Variants in SFMBT1 observed in about 807,000 individuals in gnomAD.
SFMBT1 encodes the protein Scm like with four mbt domains 1, also known as scm-like with four MBT domains protein 1.
A neutral mutation model predicts 108.7 loss-of-function variants in SFMBT1; 32 were observed. The ratio of observed to expected loss-of-function variants is 0.29; its 90% CI spans 0.22 to 0.40. The LOEUF (loss-of-function observed/expected upper bound fraction) is 0.40. Among genes scored for constraint, SFMBT1 ranks in the 10% least tolerant of loss-of-function variants. SFMBT1 has a pLI of 1.00. For missense variants in SFMBT1, 816 were observed against 1,059.6 expected (o/e 0.77, Z 3.19); for synonymous variants, 348 against 369.5 (o/e 0.94, Z 0.67).
At chr3:53,045,303 T>G (rs1244215788) in intron 1 of SFMBT1, 1 of 142,616 alleles carries the variant, frequency 7.0e-6, no homozygotes, top group Non-Finnish European at 1.5e-5. Flanking sequence ...CGGCCCCAGC[T>G]GCGGGTTCGC....
At chr3:53,015,283 TA>T (rs559803064) in intron 1 of SFMBT1, among the ~76,000 whole-genome samples, 26 of 147,848 alleles carry the variant, frequency 1.8e-4, no homozygotes, top group East Asian at 7.9e-4. Context: ...ATGGTTATCA[TA>T]AAAAAAAAAT....
intron 17 of SFMBT1, among the ~76,000 whole-genome samples, chr3:52,910,394 T>C (rs912947670): frequency 6.6e-6 from 1 of 152,190 alleles, no homozygotes; most frequent in African/African-American, 2.4e-5. Flanking sequence ...ATGCTATATA[T>C]AAAAGTTGGC....
intron 4 of SFMBT1, among the ~76,000 whole-genome samples, chr3:52,940,372 G>A (rs1285255459): frequency 1.3e-5 from 2 of 152,206 alleles, no homozygotes; most frequent in African/African-American, 4.8e-5. Flanking sequence ...ATAAGAAACT[G>A]CTTAAAGAAA....
intron 17 of SFMBT1, among the ~76,000 whole-genome samples, chr3:52,908,200 A>C (rs1300105011): frequency 6.6e-6 from 1 of 150,656 alleles, no homozygotes. Context: ...CAGCCTCCTG[A>C]GTAGCTGGGA....
intron 1 of SFMBT1, among the ~76,000 whole-genome samples, chr3:53,008,062 A>G (rs1037234396): frequency 9.2e-6 from 1 of 108,488 alleles, no homozygotes; most frequent in Admixed American, 9.7e-5. Flanking sequence ...TGCTTGCCCC[A>G]CCCCCGCAAA....
intron 1 of SFMBT1, among the ~76,000 whole-genome samples, chr3:53,011,244 TG>T (rs1443166096): frequency 6.6e-6 from 1 of 152,056 alleles, no homozygotes; most frequent in Non-Finnish European, 1.5e-5. Context: ...GAGGAAAGGG[TG>T]GAAGGCATTC....
chr3:52,908,645 T>G (rs2106760022), intron 17 of SFMBT1, among the ~76,000 whole-genome samples: 1 of 152,298 alleles, frequency 6.6e-6, no homozygotes, highest in African/African-American at 2.4e-5. Context: ...CTTGGCTCAC[T>G]GCAACCTCCA....
At chr3:52,972,279 G>A (rs538262751) in intron 1 of SFMBT1, among the ~76,000 whole-genome samples, 158 of 152,342 alleles carry the variant, frequency 1.0e-3, no homozygotes, top group South Asian at 2.9e-3. Flanking sequence ...TTACGTAGCA[G>A]AAAGCTAAGG....
chr3:52,971,947 A>G (rs1368525742), intron 1 of SFMBT1, among the ~76,000 whole-genome samples: 1 of 152,246 alleles, frequency 6.6e-6, no homozygotes, highest in African/African-American at 2.4e-5. Flanking sequence ...GAGAAGGGAT[A>G]ACAGCAATTA....
At chr3:52,915,136 G>A (rs1055881342) in intron 14 of SFMBT1, among the ~76,000 whole-genome samples, 6 of 152,150 alleles carry the variant, frequency 3.9e-5, no homozygotes, top group Non-Finnish European at 7.4e-5. Flanking sequence ...TTATCTCTCT[G>A]CCCAATCCTA....
intron 3 of SFMBT1, among the ~76,000 whole-genome samples, chr3:52,949,534 A>G (rs1703494699): frequency 1.3e-5 from 2 of 149,326 alleles, no homozygotes; most frequent in East Asian, 1.9e-4. Context: ...GTCTTCTTGA[A>G]GAACTGACCC....
At chr3:52,996,794 G>A (rs1447999713) in intron 1 of SFMBT1, among the ~76,000 whole-genome samples, 1 of 150,460 alleles carries the variant, frequency 6.6e-6, no homozygotes, top group African/African-American at 2.4e-5. Context: ...CACAGGCCGG[G>A]CACGGTGGCT....
intron 1 of SFMBT1, among the ~76,000 whole-genome samples, chr3:53,009,839 G>A (rs72965348): frequency 0.031 from 4,657 of 152,160 alleles, 277 homozygotes; most frequent in African/African-American, 0.11. Context: ...AAATTATAAG[G>A]AAGAGAAAAT....
chr3:53,001,941 A>T (rs914840489), intron 1 of SFMBT1, among the ~76,000 whole-genome samples: 11 of 141,036 alleles, frequency 7.8e-5, no homozygotes, highest in African/African-American at 2.3e-4. Flanking sequence ...ACACACACAC[A>T]CACACACACA....
At chr3:53,000,281 T>A (rs542085159) in intron 1 of SFMBT1, among the ~76,000 whole-genome samples, 2 of 145,644 alleles carry the variant, frequency 1.4e-5, no homozygotes, top group South Asian at 4.4e-4. Flanking sequence ...TTTTTTGCAA[T>A]GCCTTCCTCT....
chr3:52,907,632 T>G lies in SFMBT1; in HGVS notation c.2008A>C (p.Arg670=). ...ALKKASKRRK[R]RKNVFVHKKK... is the part of the protein sequence containing the mutation. The stretch of plus-strand genomic sequence containing the variant: ...TTATGAACAAAAACATTTTTCCGCC[T>G]CTTTCTCCTCTTACTGGCTTTTTTC... The change falls in exon 18 of 21, where the codon AGG becomes CGG. Residue 670 remains arginine, a synonymous_variant. Transcript: ENST00000394752. The G allele has an allele frequency of 6.2e-7, 1 of 1,614,200 alleles. No individual in the cohort carries two copies. The highest frequency in any genetic ancestry group is 8.5e-7 in the Non-Finnish European group (1 of 1,180,034).
intron 2 of SFMBT1, among the ~76,000 whole-genome samples, chr3:52,968,412 T>A (rs1460361872): frequency 6.6e-6 from 1 of 152,132 alleles, no homozygotes; most frequent in East Asian, 1.9e-4. Flanking sequence ...TATACTAACA[T>A]CAATTTCCTC....
intron 1 of SFMBT1, among the ~76,000 whole-genome samples, chr3:53,016,426 A>G (rs1412031886): frequency 6.6e-6 from 1 of 152,260 alleles, no homozygotes; most frequent in Admixed American, 6.5e-5. Flanking sequence ...ATGTGGTTGT[A>G]TCAACACACA....
Position 52,930,371 on chromosome 3 carries a change from G to T in SFMBT1, c.855C>A (p.Asp285Glu), listed in dbSNP as rs1260385472. 1.2e-6 allele frequency: 2 copies of T among 1,613,336 alleles called. No homozygotes were observed. Among genetic ancestry groups the T allele is most frequent in the Non-Finnish European group, 1.7e-6 (2 of 1,179,340 alleles). ...GAGAGATCCCAAAAGGAGACCAGGG[G>T]TCTACAGCTTCCAATTTCATGTTTA... ...FSVNMKLEAV[D>E]PWSPFGISPA... Residue 285 changes from aspartate (D) to glutamate (E), a missense_variant, in exon 8 of 21, where the codon GAC (aspartate) becomes GAA (glutamate). Coordinates refer to ENST00000394752, the MANE Select transcript of SFMBT1 (RefSeq NM_016329.4).
Sources: allele counts gnomAD v4.1 joint callset (sites outside exome capture counted in the v4.1 genomes callset), GRCh38; gene constraint gnomAD v4.1.1; transcripts MANE v1.5; gene names NCBI Gene and HGNC (gene_info 2026-07-23, HGNC 2026-07-21).